The following PSTPIP2 variants were observed in gnomAD, a reference collection of about 807,000 sequenced individuals.
PSTPIP2 encodes the protein proline-serine-threonine phosphatase-interacting protein 2.
Under a neutral mutation model 63.3 loss-of-function variants are expected in PSTPIP2, and 33 were observed. The ratio of observed to expected loss-of-function variants is 0.52; its 90% confidence interval spans 0.40 to 0.70. PSTPIP2 has a LOEUF of 0.70. Among genes scored for constraint, PSTPIP2 ranks in the 30% least tolerant of loss-of-function variants. The probability of loss-of-function intolerance (pLI) is 0.00; values close to 1 mark genes in which losing one functional copy is unlikely to be tolerated. For missense variants in PSTPIP2, 312 were observed against 400.7 expected, an observed-to-expected ratio of 0.78 and a Z score of 1.89; for synonymous variants, 125 against 132.7, an observed-to-expected ratio of 0.94 and a Z score of 0.40.
intron 5 of PSTPIP2, among the ~76,000 whole-genome samples, chr18:46,008,465 C>A (rs2144079163): frequency 7.0e-6 from 1 of 142,252 alleles, no homozygotes; most frequent in East Asian, 2.1e-4. Flanking sequence ...GCATGAGTGA[C>A]CACACCTGGC....
At chr18:45,998,913 A>G in intron 7 of PSTPIP2, 74 bp from the exon 8 acceptor site, 1 of 1,530,034 alleles carries the variant, frequency 6.5e-7, no homozygotes. Flanking sequence ...CAGGCAAAAC[A>G]GATTGAAAAG....
chr18:46,043,333 G>A (rs1299671719), intron 1 of PSTPIP2, among the ~76,000 whole-genome samples: 2 of 150,874 alleles, frequency 1.3e-5, no homozygotes, highest in Non-Finnish European at 1.5e-5. Flanking sequence ...CGAGGCTGCA[G>A]TGAGCCACGT....
At chr18:46,028,650 G>T in intron 2 of PSTPIP2, 1 of 830,946 alleles carries the variant, frequency 1.2e-6, no homozygotes, top group South Asian at 1.3e-5. Context: ...AGAAGATGAA[G>T]ATGAGGAAAT....
chr18:46,036,452 CA>C (rs1330833989), intron 2 of PSTPIP2, among the ~76,000 whole-genome samples: 1 of 152,112 alleles, frequency 6.6e-6, no homozygotes. Context: ...ATGTATCTAG[CA>C]AGCCTTCAAT....
At chr18:46,027,002 TAAG>T (rs1227811302) in intron 2 of PSTPIP2, among the ~76,000 whole-genome samples, 2 of 151,926 alleles carry the variant, frequency 1.3e-5, no homozygotes, top group Non-Finnish European at 2.9e-5. Context: ...TTTTAAAGAA[TAAG>T]ACCATATGGC....
intron 1 of PSTPIP2, among the ~76,000 whole-genome samples, chr18:46,063,890 A>T (rs151012313): frequency 6.6e-6 from 1 of 152,190 alleles, no homozygotes; most frequent in African/African-American, 2.4e-5. Flanking sequence ...TATTGGGAAC[A>T]CTGAGAATAG....
intron 4 of PSTPIP2, among the ~76,000 whole-genome samples, chr18:46,014,057 C>T (rs2051828612): frequency 6.6e-6 from 1 of 151,564 alleles, no homozygotes; most frequent in Non-Finnish European, 1.5e-5. Context: ...CAGTCTTACT[C>T]TGTCGCCCAC....
intron 6 of PSTPIP2, among the ~76,000 whole-genome samples, chr18:46,000,438 C>T (rs903139905): frequency 2.0e-5 from 3 of 152,192 alleles, no homozygotes; most frequent in African/African-American, 7.2e-5. Flanking sequence ...GCAATCTCGG[C>T]TCACTGCAGC....
At chr18:46,054,198 G>C (rs906307735) in intron 1 of PSTPIP2, among the ~76,000 whole-genome samples, 1 of 152,154 alleles carries the variant, frequency 6.6e-6, no homozygotes, top group Admixed American at 6.5e-5. Flanking sequence ...TCTGTATAAA[G>C]CAACTCCATT....
At chr18:46,013,045 CAGTT>C in intron 4 of PSTPIP2, among the ~76,000 whole-genome samples, 1 of 151,682 alleles carries the variant, frequency 6.6e-6, no homozygotes, top group East Asian at 1.9e-4. Context: ...ATCTTCTTTA[CAGTT>C]AGTTGTCTCA....
In PSTPIP2 at chr18:46,025,245, C is replaced by A. The variant is rs555906303; in HGVS notation, c.135-559G>T. Among the ~76,000 whole-genome samples, 11 of 152,206 alleles carry A rather than the reference C, an allele frequency of 7.2e-5. No homozygotes were observed. The South Asian group carries it at 2.3e-3, about 32-fold the overall frequency. Reference sequence around the variant, plus strand: ...TCAGCCCAGCCTTATATAAACCATACGATTAGGACAGAGTGATTTAGGCTC... The same window carrying A: ...TCAGCCCAGCCTTATATAAACCATAAGATTAGGACAGAGTGATTTAGGCTC... On this transcript the variant is annotated intron_variant, in intron 2 of 14. Coordinates refer to ENST00000409746, the MANE Select transcript of PSTPIP2 (RefSeq NM_024430.4).
At chr18:45,993,756 T>C (rs1012514245) in intron 9 of PSTPIP2, 53 bp from the exon 10 acceptor site, 224 of 1,513,326 alleles carry the variant, frequency 1.5e-4, no homozygotes, top group Non-Finnish European at 2.0e-4. Flanking sequence ...GGACCATTCA[T>C]TTTGGCTAGC....
rs138300801 is a variant in PSTPIP2, at chr18:46,034,557, A to T, written c.134+5390T>A. ...GATATATTCCTTACTTGCCTTCTAC[A>T]CTTAATATAACAATATTAGTAATGG... On this transcript the variant is annotated intron_variant, in intron 2 of 14. Transcript: ENST00000409746. Among the ~76,000 whole-genome samples the T allele has an allele frequency of 1.4e-4, 21 of 152,324 alleles. 1 individual carries two copies. Among genetic ancestry groups the T allele is most frequent in the African/African-American group, 4.3e-4 (18 of 41,578 alleles).
At position 46,029,490 on chromosome 18, in the gene PSTPIP2, T is replaced by G. The variant is rs541242331; in HGVS notation, c.135-4804A>C. ...GTTGATTAAGGCAGTTTATATGGATTAAGCATTGCCACATCTAGGAATGGA... is the reference window on the plus strand; with the variant it reads ...GTTGATTAAGGCAGTTTATATGGATGAAGCATTGCCACATCTAGGAATGGA... On this transcript the variant is annotated intron_variant, in intron 2 of 14. Transcript: ENST00000409746. The G allele has an allele frequency of 8.9e-5, 83 of 933,418 alleles. No individual in the cohort carries two copies. The South Asian group carries it at 1.0e-3, about 12-fold the overall frequency. The allele number at this position is 933,418 out of a possible 1,614,324, so 57.8% of individuals were successfully genotyped here.
At chr18:46,070,662 C>A (rs532501833) in intron 1 of PSTPIP2, among the ~76,000 whole-genome samples, 2 of 152,114 alleles carry the variant, frequency 1.3e-5, no homozygotes, top group African/African-American at 4.8e-5. Flanking sequence ...TACAGGCATG[C>A]ACCACCATGC....
chr18:46,025,683 T>C (rs1468199602), intron 2 of PSTPIP2, among the ~76,000 whole-genome samples: 1 of 114,770 alleles, frequency 8.7e-6, no homozygotes, highest in Non-Finnish European at 2.0e-5. Flanking sequence ...TCACTACCAC[T>C]AAAAAAAAAA....
In PSTPIP2 at chr18:46,015,940, A is replaced by G. The variant is rs759876207; in HGVS notation, c.213-3T>C. 5.2e-5 allele frequency: 83 copies of G among 1,604,474 alleles called. No homozygotes were observed. The East Asian group carries it at 1.8e-3, about 35-fold the overall frequency. On this transcript the variant is annotated splice_region_variant and splice_polypyrimidine_tract_variant and intron_variant, in intron 3 of 14. Coordinates refer to ENST00000409746, the MANE Select transcript of PSTPIP2 (RefSeq NM_024430.4). Reference sequence around the variant, plus strand: ...CTTCAAGGGCCCGCTTCAGGGTGCTAAAAAAAACAAGCACATATATAATTT... The same window carrying G: ...CTTCAAGGGCCCGCTTCAGGGTGCTGAAAAAAACAAGCACATATATAATTT...
intron 13 of PSTPIP2, among the ~76,000 whole-genome samples, chr18:45,989,080 C>T (rs1291400539): frequency 6.6e-6 from 1 of 152,162 alleles, no homozygotes; most frequent in Admixed American, 6.5e-5. Flanking sequence ...AAATAAAATA[C>T]CTTAAATCTT....
intron 2 of PSTPIP2, among the ~76,000 whole-genome samples, chr18:46,035,635 G>A (rs537106956): frequency 1.3e-5 from 2 of 152,282 alleles, no homozygotes; most frequent in Admixed American, 6.5e-5. Flanking sequence ...GGTATAATGA[G>A]TGAGATTGTA....
Sources: gnomAD v4.1 joint callset for allele counts (sites outside exome capture counted in the v4.1 genomes callset) on GRCh38, gnomAD v4.1.1 for gene constraint, MANE v1.5 for transcripts, NCBI Gene and HGNC (gene_info 2026-07-23, HGNC 2026-07-21) for gene names.